Variants in LRP1B observed in about 807,000 individuals in gnomAD.
The protein encoded by LRP1B is low-density lipoprotein receptor-related protein 1B.
LRP1B carries 217 observed loss-of-function variants against 556.6 expected under a neutral mutation model. The observed-to-expected ratio is 0.39, with a 90% CI of 0.35 to 0.44. The LOEUF is 0.44. Ranked by LOEUF, LRP1B falls within the 20% of genes least tolerant of loss-of-function variation. The probability of loss-of-function intolerance (pLI) is 1.00; values close to 1 mark genes in which losing one functional copy is unlikely to be tolerated. For missense variants in LRP1B, 5,053 were observed against 5,620.8 expected, an observed-to-expected ratio of 0.90 and a Z score of 3.23; for synonymous variants, 2,047 against 1,865.8, an observed-to-expected ratio of 1.10 and a Z score of -2.50.
intron 2 of LRP1B, among the ~76,000 whole-genome samples, chr2:141,484,492 C>T (rs1018831670): frequency 2.0e-5 from 3 of 151,962 alleles, no homozygotes; most frequent in Admixed American, 1.3e-4. Flanking sequence ...TTTTCCAATT[C>T]TGTGAAGAAA....
intron 41 of LRP1B, among the ~76,000 whole-genome samples, chr2:140,659,485 G>A (rs895709507): frequency 3.3e-5 from 5 of 152,010 alleles, no homozygotes; most frequent in African/African-American, 1.2e-4. Flanking sequence ...ACTGAGTTTT[G>A]TTAATGTTTA....
rs541128452 is a variant in LRP1B at position 141,609,651 on chromosome 2, G to A, written c.206-129118C>T. Among the ~76,000 whole-genome samples, 3 of 152,284 alleles carry A rather than the reference G, an allele frequency of 2.0e-5. No individual in the cohort carries two copies. The East Asian group carries it at 5.8e-4, about 29-fold the overall frequency. ...AAAATTTAACAATTGATTGTCATGAGTGGTTCAAAAACGAGCTCTGGCACT... is the reference window on the plus strand; with the variant it reads ...AAAATTTAACAATTGATTGTCATGAATGGTTCAAAAACGAGCTCTGGCACT... On this transcript the variant is annotated intron_variant, in intron 2 of 90. Transcript: ENST00000389484.
intron 41 of LRP1B, among the ~76,000 whole-genome samples, chr2:140,632,599 G>GA (rs888816979): frequency 3.9e-5 from 6 of 152,062 alleles, no homozygotes; most frequent in Admixed American, 2.0e-4. Context: ...AAAGCATAAA[G>GA]AAAAAAGTGC....
At chr2:140,521,407 A>C (rs1285975834) in intron 49 of LRP1B, among the ~76,000 whole-genome samples, 4 of 152,110 alleles carry the variant, frequency 2.6e-5, no homozygotes, top group African/African-American at 7.2e-5. Flanking sequence ...TAGCATTCTT[A>C]AGGAAAATAA....
intron 3 of LRP1B, among the ~76,000 whole-genome samples, chr2:141,414,085 A>C (rs1690971518): frequency 6.6e-6 from 1 of 151,826 alleles, no homozygotes. Context: ...AAAATACAAA[A>C]AATTAGCCGG....
intron 1 of LRP1B, among the ~76,000 whole-genome samples, chr2:141,903,335 G>T (rs1452219589): frequency 6.6e-6 from 1 of 151,838 alleles, no homozygotes; most frequent in African/African-American, 2.4e-5. Context: ...ACAAGCCATT[G>T]TTAAATCTGG....
intron 2 of LRP1B, among the ~76,000 whole-genome samples, chr2:141,571,282 A>C (rs985646626): frequency 4.0e-5 from 6 of 150,816 alleles, no homozygotes; most frequent in African/African-American, 1.5e-4. Flanking sequence ...ATAGGGCCTG[A>C]AGTGAACCCC....
chr2:140,241,200 A>G (rs1350335688), intron 87 of LRP1B, among the ~76,000 whole-genome samples: 1 of 150,608 alleles, frequency 6.6e-6, no homozygotes, highest in Non-Finnish European at 1.5e-5. Context: ...TCTGTAATTT[A>G]TTAGCAGCTG....
intron 3 of LRP1B, among the ~76,000 whole-genome samples, chr2:141,396,771 T>G (rs1228795493): frequency 6.6e-6 from 1 of 152,094 alleles, no homozygotes; most frequent in African/African-American, 2.4e-5. Context: ...ACATTTCTAT[T>G]AGACAAAACG....
At chr2:141,439,899 G>C (rs1014844200) in intron 3 of LRP1B, among the ~76,000 whole-genome samples, 8 of 152,108 alleles carry the variant, frequency 5.3e-5, no homozygotes, top group African/African-American at 1.9e-4. Flanking sequence ...TCCACATAGT[G>C]TCCAAAAATC....
At chr2:140,297,378 A>G (rs1405152922) in intron 84 of LRP1B, among the ~76,000 whole-genome samples, 3 of 152,124 alleles carry the variant, frequency 2.0e-5, no homozygotes, top group Non-Finnish European at 4.4e-5. Context: ...ACTACATAGA[A>G]AGCCTTAGTA....
intron 35 of LRP1B, among the ~76,000 whole-genome samples, 157 bp from the exon 36 acceptor site, chr2:140,716,973 T>TA (rs528699146): frequency 5.2e-4 from 78 of 151,016 alleles, no homozygotes; most frequent in East Asian, 3.5e-3. Context: ...ATATAAATAG[T>TA]AAAAAAAAAG....
At chr2:140,362,775 T>C (rs1214136744) in intron 72 of LRP1B, among the ~76,000 whole-genome samples, 1 of 151,752 alleles carries the variant, frequency 6.6e-6, no homozygotes, top group Non-Finnish European at 1.5e-5. Context: ...GATAAAGTCT[T>C]TCTGTTCCAT....
intron 41 of LRP1B, among the ~76,000 whole-genome samples, chr2:140,657,669 A>G (rs918889705): frequency 6.8e-6 from 1 of 146,816 alleles, no homozygotes; most frequent in Non-Finnish European, 1.5e-5. Flanking sequence ...ATATATACAT[A>G]CATATATATA....
intron 1 of LRP1B, among the ~76,000 whole-genome samples, chr2:142,045,385 C>T (rs1449121276): frequency 6.6e-6 from 1 of 151,842 alleles, no homozygotes; most frequent in African/African-American, 2.4e-5. Flanking sequence ...GGAACGTTCT[C>T]ATACCGATTG....
At chr2:141,077,654 T>C (rs904019748) in intron 7 of LRP1B, among the ~76,000 whole-genome samples, 9 of 152,204 alleles carry the variant, frequency 5.9e-5, no homozygotes, top group Admixed American at 5.2e-4. Flanking sequence ...AGAACTGTGA[T>C]TTCCCCCGAG....
intron 2 of LRP1B, among the ~76,000 whole-genome samples, chr2:141,575,270 C>A (rs1233128699): frequency 6.6e-6 from 1 of 152,036 alleles, no homozygotes; most frequent in Non-Finnish European, 1.5e-5. Flanking sequence ...GACATATAGA[C>A]CAATGGAGCA....
chr2:140,967,462 A>G (rs1317114050), intron 18 of LRP1B, among the ~76,000 whole-genome samples: 1 of 152,154 alleles, frequency 6.6e-6, no homozygotes. Context: ...GGTTTTCTAA[A>G]TATACAATCA....
At chr2:141,414,333 A>AAG (rs145307690) in intron 3 of LRP1B, among the ~76,000 whole-genome samples, 81 of 144,854 alleles carry the variant, frequency 5.6e-4, no homozygotes, top group Non-Finnish European at 1.1e-3. Flanking sequence ...TAAAGAGAGA[A>AAG]AGAGAGAGAG....
Sources: allele counts gnomAD v4.1 joint callset (sites outside exome capture counted in the v4.1 genomes callset), GRCh38; gene constraint gnomAD v4.1.1; transcripts MANE v1.5; gene names NCBI Gene and HGNC (gene_info 2026-07-23, HGNC 2026-07-21).